Variants in ANKRD30BL observed in about 807,000 individuals in gnomAD.
ANKRD30BL encodes the protein ankyrin repeat domain 30B like.
Under a neutral mutation model 18.4 loss-of-function variants are expected in ANKRD30BL, and 20 were observed. That is an observed-to-expected ratio of 1.09 (90% CI 0.77 to 1.58). ANKRD30BL has a LOEUF of 1.58. Among genes scored for constraint, ANKRD30BL ranks in the 40% most tolerant of loss-of-function variants. ANKRD30BL has a pLI of 0.00. For synonymous variants in ANKRD30BL, 72 were observed against 100.9 expected, an observed-to-expected ratio of 0.71 and a Z score of 1.72; for missense variants, 224 against 268.6, an observed-to-expected ratio of 0.83 and a Z score of 1.16.
chr2:132,230,257 G>A (rs1390698111), intron 1 of ANKRD30BL, among the ~76,000 whole-genome samples: 1 of 152,038 alleles, frequency 6.6e-6, no homozygotes, highest in Non-Finnish European at 1.5e-5. Flanking sequence ...GAATCTGCAA[G>A]TGAATTTATG....
chr2:132,179,081 T>TA (rs1463303840), intron 1 of ANKRD30BL, among the ~76,000 whole-genome samples: 1 of 151,582 alleles, frequency 6.6e-6, no homozygotes, highest in East Asian at 1.9e-4. Flanking sequence ...GTAATGGAGG[T>TA]AAAAAATTCC....
chr2:132,217,160 T>C (rs1679528383), intron 1 of ANKRD30BL, among the ~76,000 whole-genome samples: 1 of 152,092 alleles, frequency 6.6e-6, no homozygotes, highest in African/African-American at 2.4e-5. Context: ...ACTCACAGAG[T>C]TGGACACACT....
chr2:132,203,002 T>C (rs1679138059), intron 1 of ANKRD30BL, among the ~76,000 whole-genome samples: 1 of 152,250 alleles, frequency 6.6e-6, no homozygotes, highest in African/African-American at 2.4e-5. Flanking sequence ...AATGTGTTAA[T>C]TAACAGTCAG....
chr2:132,177,076 T>TG (rs756740938), intron 1 of ANKRD30BL, among the ~76,000 whole-genome samples: 6 of 152,332 alleles, frequency 3.9e-5, no homozygotes, highest in Non-Finnish European at 7.4e-5. Context: ...TTAAACCCAT[T>TG]TTCAATGCAA....
At chr2:132,206,714 T>C (rs1178066043) in intron 1 of ANKRD30BL, among the ~76,000 whole-genome samples, 2 of 152,240 alleles carry the variant, frequency 1.3e-5, no homozygotes, top group Non-Finnish European at 2.9e-5. Flanking sequence ...TGTAATTTCC[T>C]ACATCTGCTG....
At chr2:132,152,393 G>T (rs1245205523) in intron 4 of ANKRD30BL, 1 of 152,184 alleles carries the variant, frequency 6.6e-6, no homozygotes, top group Non-Finnish European at 1.5e-5. Context: ...TGATGGATGA[G>T]GCTTAGCTCT....
intron 1 of ANKRD30BL, among the ~76,000 whole-genome samples, chr2:132,191,857 T>C (rs1384210194): frequency 2.7e-5 from 4 of 150,104 alleles, no homozygotes; most frequent in Non-Finnish European, 4.4e-5. Context: ...TTATCCTGCC[T>C]CAGCCTCCTG....
chr2:132,176,891 A>G (rs939564777), intron 1 of ANKRD30BL, among the ~76,000 whole-genome samples: 8 of 152,184 alleles, frequency 5.3e-5, no homozygotes, highest in African/African-American at 1.4e-4. Context: ...AAGATTCCAC[A>G]TAGATATTGT....
intron 1 of ANKRD30BL, among the ~76,000 whole-genome samples, chr2:132,187,318 G>A (rs1000327154): frequency 2.0e-5 from 3 of 150,330 alleles, no homozygotes. Context: ...CTCAGCCTCT[G>A]GGAGTAGCTA....
At chr2:132,168,527 C>T (rs1210612946) in intron 1 of ANKRD30BL, among the ~76,000 whole-genome samples, 1 of 152,094 alleles carries the variant, frequency 6.6e-6, no homozygotes, top group Non-Finnish European at 1.5e-5. Context: ...ACTGCATAAT[C>T]TTATTTATCT....
chr2:132,220,308 C>G (rs1437370162), intron 1 of ANKRD30BL, among the ~76,000 whole-genome samples: 30 of 110,942 alleles, frequency 2.7e-4, no homozygotes, highest in Admixed American at 5.4e-4. Context: ...CCCTGTCCCT[C>G]TCCCTCTCCC....
chr2:132,207,919 G>A (rs1018250966), intron 1 of ANKRD30BL, among the ~76,000 whole-genome samples: 6 of 152,044 alleles, frequency 3.9e-5, no homozygotes, highest in Non-Finnish European at 8.8e-5. Flanking sequence ...ATCACAACGG[G>A]GTCACCCTTA....
chr2:132,235,990 G>C (rs929310851), intron 1 of ANKRD30BL, among the ~76,000 whole-genome samples: 2 of 152,024 alleles, frequency 1.3e-5, no homozygotes, highest in Admixed American at 6.6e-5. Flanking sequence ...CCAAAACAGA[G>C]ATATAGATCA....
chr2:132,173,736 G>T (rs1242577701), intron 1 of ANKRD30BL, among the ~76,000 whole-genome samples: 1 of 152,040 alleles, frequency 6.6e-6, no homozygotes, highest in Non-Finnish European at 1.5e-5. Flanking sequence ...AATAAATTTT[G>T]ACAGAGGTTT....
intron 1 of ANKRD30BL, among the ~76,000 whole-genome samples, chr2:132,217,709 C>T (rs1298706345): frequency 6.6e-6 from 1 of 152,198 alleles, no homozygotes; most frequent in African/African-American, 2.4e-5. Flanking sequence ...TTAAGAACCC[C>T]CTTTTTGTAG....
At chr2:132,168,048 C>A (rs1427116481) in intron 1 of ANKRD30BL, among the ~76,000 whole-genome samples, 1 of 152,128 alleles carries the variant, frequency 6.6e-6, no homozygotes, top group Non-Finnish European at 1.5e-5. Flanking sequence ...TCACTTGCAT[C>A]ATTTTCTCTC....
At chr2:132,253,808 G>C (rs1038732288) in intron 1 of ANKRD30BL, among the ~76,000 whole-genome samples, 9 of 152,036 alleles carry the variant, frequency 5.9e-5, no homozygotes, top group Non-Finnish European at 1.2e-4. Flanking sequence ...CGGATGAGGG[G>C]GGTGGGACCG....
intron 1 of ANKRD30BL, among the ~76,000 whole-genome samples, chr2:132,256,434 G>C (rs1397163257): frequency 6.6e-6 from 1 of 152,226 alleles, no homozygotes; most frequent in Non-Finnish European, 1.5e-5. Context: ...CGCCCGACCC[G>C]TGTGCGGCAG....
chr2:132,162,498 T>A (rs566941999), upstream of ANKRD30BL, among the ~76,000 whole-genome samples: 1 of 152,306 alleles, frequency 6.6e-6, no homozygotes, highest in African/African-American at 2.4e-5. Flanking sequence ...CTGGGCCCTG[T>A]ACAGCTGCGG....
Sources: gnomAD v4.1 joint callset for allele counts (sites outside exome capture counted in the v4.1 genomes callset) on GRCh38, gnomAD v4.1.1 for gene constraint, MANE v1.5 for transcripts, NCBI Gene and HGNC (gene_info 2026-07-23, HGNC 2026-07-21) for gene names.